The following STK32B variants were observed in gnomAD, a reference collection of about 807,000 sequenced individuals.
STK32B encodes the protein serine/threonine-protein kinase 32B.
In STK32B, 43 loss-of-function variants were observed where a neutral mutation model predicts 52.6. The ratio of observed to expected loss-of-function variants is 0.82; its 90% CI spans 0.64 to 1.05. The LOEUF (loss-of-function observed/expected upper bound fraction) is 1.05, where lower values mean the gene tolerates loss of function less well. Ranked by LOEUF, STK32B falls within the 50% of genes least tolerant of loss-of-function variation. The pLI is 0.00. For synonymous variants in STK32B, 238 were observed against 204.3 expected, an observed-to-expected ratio of 1.17 and a Z score of -1.41; for missense variants, 621 against 534.6, an observed-to-expected ratio of 1.16 and a Z score of -1.59.
chr4:5,241,745 G>A (rs1039836782), intron 3 of STK32B, among the ~76,000 whole-genome samples: 8 of 152,160 alleles, frequency 5.3e-5, no homozygotes, highest in African/African-American at 1.9e-4. Context: ...CCCCACAACA[G>A]TCCCTGGTGT....
At chr4:5,404,698 C>A (rs1737537727) in intron 5 of STK32B, among the ~76,000 whole-genome samples, 2 of 151,708 alleles carry the variant, frequency 1.3e-5, no homozygotes, top group African/African-American at 4.9e-5. Flanking sequence ...CCTCCTCGCT[C>A]CGGGCCCATA....
chr4:5,325,009 T>A (rs542636480), intron 3 of STK32B, among the ~76,000 whole-genome samples: 2 of 152,172 alleles, frequency 1.3e-5, no homozygotes, highest in Non-Finnish European at 2.9e-5. Context: ...CGTGAAGTAG[T>A]CCCTGAAGAA....
chr4:5,157,331 G>T (rs1015724653), intron 2 of STK32B, among the ~76,000 whole-genome samples: 13 of 150,080 alleles, frequency 8.7e-5, no homozygotes, highest in African/African-American at 3.2e-4. Flanking sequence ...GCTGAACAAG[G>T]TTCCTGACAC....
chr4:5,255,195 G>C (rs1377166992), intron 3 of STK32B, among the ~76,000 whole-genome samples: 1 of 152,154 alleles, frequency 6.6e-6, no homozygotes, highest in East Asian at 1.9e-4. Flanking sequence ...GCTTCTCTGA[G>C]AGCATATAGC....
chr4:5,436,455 C>T (rs974646693), intron 6 of STK32B: 1 of 307,520 alleles, frequency 3.3e-6, no homozygotes, highest in Non-Finnish European at 4.7e-6. Context: ...AAACAGCCAC[C>T]GTGATGGGAA....
At position 5,395,001 on chromosome 4, in the gene STK32B, T is replaced by C. The variant is rs966984287; in HGVS notation, c.435-3206T>C. ...ACATGCCCACCGGGCTGCACTCCTT[T>C]CTGGAACATGGGGTGGGGTTCTCTC... On this transcript the variant is annotated intron_variant, in intron 4 of 11. Coordinates refer to ENST00000282908, the MANE Select transcript of STK32B (RefSeq NM_018401.3). This position sits in a 1 kb window ranked among gnomAD's most constrained non-coding sequence, Gnocchi z 4.4. Among the ~76,000 whole-genome samples the C allele has an allele frequency of 6.6e-6, 1 of 152,188 alleles. No homozygotes were observed.
intron 3 of STK32B, among the ~76,000 whole-genome samples, chr4:5,327,713 A>C (rs952950394): frequency 1.3e-5 from 2 of 152,152 alleles, no homozygotes; most frequent in Admixed American, 1.3e-4. Flanking sequence ...GGTATTTTCA[A>C]AATGGTAAAT....
chr4:5,316,327 A>T lies in STK32B; in HGVS notation c.261-14893A>T, dbSNP rs1214087887. 6.0e-4 allele frequency among the ~76,000 whole-genome samples: 38 copies of T among 62,950 alleles called. 1 individual carries two copies. The highest frequency in any genetic ancestry group is 3.3e-3 in the African/African-American group (33 of 10,122). The allele number at this position is 62,950 out of a possible 152,430, so 41.3% of individuals were successfully genotyped here. A position where few individuals can be genotyped will look rare whatever the true frequency, so the allele number is the denominator to read the frequency against. On this transcript the variant is annotated intron_variant, in intron 3 of 11. Transcript: ENST00000282908. ...ATATATATATTGTATATTATATATT[A>T]TATACAATATAATATATTATATCAT...
intron 1 of STK32B, among the ~76,000 whole-genome samples, chr4:5,055,561 C>T (rs1008752275): frequency 6.6e-6 from 1 of 152,170 alleles, no homozygotes; most frequent in Non-Finnish European, 1.5e-5. Flanking sequence ...ATCCTCCCTC[C>T]AGCCCTAGGC....
At chr4:5,092,534 C>CAAA (rs527339612) in intron 1 of STK32B, among the ~76,000 whole-genome samples, 6 of 86,894 alleles carry the variant, frequency 6.9e-5, no homozygotes, top group African/African-American at 2.2e-4. Context: ...GACTCCGTCT[C>CAAA]AAAAAAAAAA....
chr4:5,202,442 C>T (rs1722225035), intron 3 of STK32B, among the ~76,000 whole-genome samples: 1 of 152,254 alleles, frequency 6.6e-6, no homozygotes, highest in Non-Finnish European at 1.5e-5. Flanking sequence ...TGCTGGCTGT[C>T]AGTGGATCTA....
intron 3 of STK32B, among the ~76,000 whole-genome samples, chr4:5,264,550 G>C (rs1014406843): frequency 3.3e-5 from 5 of 152,116 alleles, no homozygotes; most frequent in Non-Finnish European, 5.9e-5. Context: ...ACTTTGGGAG[G>C]CTGAGGCGGG....
rs1203716758 is a variant in STK32B at position 5,399,592 on chromosome 4, A to G, written c.472+1348A>G. 6.6e-6 allele frequency among the ~76,000 whole-genome samples: 1 copy of G among 152,178 alleles called. No homozygotes were observed. Among genetic ancestry groups the G allele is most frequent in the Non-Finnish European group, 1.5e-5 (1 of 68,038 alleles). On this transcript the variant is annotated intron_variant, in intron 5 of 11. Transcript: ENST00000282908. The surrounding 1 kb of genome is among the most constrained non-coding windows in gnomAD (Gnocchi z 5.4). Reference sequence around the variant, plus strand: ...CTGAGGATCCAAATCAAGGCTGGAAAGGAAGCGAAAGCAACGTCTCCAGTT... The same window carrying G: ...CTGAGGATCCAAATCAAGGCTGGAAGGGAAGCGAAAGCAACGTCTCCAGTT...
the STK32B span, among the ~76,000 whole-genome samples, chr4:5,042,047 G>A: frequency 2.0e-5 from 3 of 152,038 alleles, no homozygotes; most frequent in African/African-American, 4.8e-5. Flanking sequence ...TAAATGTTAC[G>A]GCTTTAGGGT....
At chr4:5,151,040 G>T (rs1048235243) in intron 2 of STK32B, among the ~76,000 whole-genome samples, 28 of 152,100 alleles carry the variant, frequency 1.8e-4, no homozygotes, top group African/African-American at 6.3e-4. Flanking sequence ...GTGGCCTCAA[G>T]ATTTTCAAAT....
At chr4:5,459,282 G>GCCCCCCCCCCCCCCC (rs55688341) in intron 8 of STK32B, among the ~76,000 whole-genome samples, 1 of 133,048 alleles carries the variant, frequency 7.5e-6, no homozygotes, top group Non-Finnish European at 1.6e-5. Context: ...ACCCTGGTGT[G>GCCCCCCCCCCCCCCC]CCCCCCCCCC....
intron 6 of STK32B, among the ~76,000 whole-genome samples, chr4:5,424,006 T>TC (rs1473944504): frequency 1.3e-5 from 2 of 151,800 alleles, no homozygotes; most frequent in African/African-American, 4.8e-5. Context: ...GAAACCCCAC[T>TC]CCCCCCGTAG....
chr4:5,315,400 C>G (rs1342461387), intron 3 of STK32B, among the ~76,000 whole-genome samples: 1 of 151,666 alleles, frequency 6.6e-6, no homozygotes, highest in East Asian at 1.9e-4. Flanking sequence ...AGATAAGCCA[C>G]AAAACAGTAA....
chr4:5,136,020 G>C (rs1716053850), intron 1 of STK32B, among the ~76,000 whole-genome samples: 1 of 152,260 alleles, frequency 6.6e-6, no homozygotes, highest in South Asian at 2.1e-4. Flanking sequence ...TGCCTCCTTA[G>C]AAATTCAGGA....
Sources: allele counts gnomAD v4.1 joint callset (sites outside exome capture counted in the v4.1 genomes callset), GRCh38; gene constraint gnomAD v4.1.1; non-coding constraint Gnocchi (gnomAD v3.1); transcripts MANE v1.5; gene names NCBI Gene and HGNC (gene_info 2026-07-23, HGNC 2026-07-21).